The following ELF1 variants were observed in gnomAD, a reference collection of about 807,000 sequenced individuals.
ELF1 encodes E74 like ETS transcription factor 1.
A neutral mutation model predicts 59.9 loss-of-function variants in ELF1; 24 were observed. The ratio of observed to expected loss-of-function variants is 0.40; its 90% CI spans 0.29 to 0.56. The LOEUF is 0.56. Among genes scored for constraint, ELF1 ranks in the 20% least tolerant of loss-of-function variants. The pLI is 0.44. For missense variants in ELF1, 627 were observed against 742.2 expected, an observed-to-expected ratio of 0.84 and a Z score of 1.80; for synonymous variants, 248 against 266.2, an observed-to-expected ratio of 0.93 and a Z score of 0.67.
At chr13:41,010,766 G>C (rs1419554369) in intron 1 of ELF1, among the ~76,000 whole-genome samples, 2 of 151,978 alleles carry the variant, frequency 1.3e-5, no homozygotes, top group Non-Finnish European at 2.9e-5. Context: ...AAAAATTTAA[G>C]AGACCTCTAA....
chr13:40,945,993 A>G (rs1452527921), intron 5 of ELF1, among the ~76,000 whole-genome samples: 2 of 150,444 alleles, frequency 1.3e-5, no homozygotes, highest in African/African-American at 5.0e-5. Flanking sequence ...ACAGGCACGT[A>G]CCACCATGCC....
At chr13:41,007,695 T>C (rs956129930) in intron 1 of ELF1, among the ~76,000 whole-genome samples, 2 of 152,188 alleles carry the variant, frequency 1.3e-5, no homozygotes, top group African/African-American at 4.8e-5. Context: ...GTATTTAACA[T>C]AAACTTTAAT....
At chr13:41,030,511 G>A (rs1218515853) in intron 1 of ELF1, among the ~76,000 whole-genome samples, 1 of 152,158 alleles carries the variant, frequency 6.6e-6, no homozygotes, top group Non-Finnish European at 1.5e-5. Flanking sequence ...GGGAGACTAA[G>A]GTAGGAGGAT....
chr13:41,046,317 T>A (rs960956451), intron 1 of ELF1, among the ~76,000 whole-genome samples: 4 of 152,238 alleles, frequency 2.6e-5, no homozygotes, highest in Admixed American at 1.3e-4. Flanking sequence ...GTGAATTTGA[T>A]CCTGTCATTA....
chr13:40,956,341 A>G lies in ELF1; in HGVS notation c.253+2495T>C, dbSNP rs552855627. On this transcript the variant is annotated intron_variant, in intron 3 of 8. Coordinates refer to ENST00000239882, the MANE Select transcript of ELF1 (RefSeq NM_172373.4). ...GGTTGAATGGATTAAGGGTGGTGCA[A>G]GATGGCTTTGTTAAACAGATATTTG... 4.6e-5 allele frequency among the ~76,000 whole-genome samples: 7 copies of G among 152,236 alleles called. No homozygotes were observed. The East Asian group carries it at 1.4e-3, about 29-fold the overall frequency.
At chr13:41,058,976 C>CA (rs973869538) in intron 1 of ELF1, among the ~76,000 whole-genome samples, 18 of 149,746 alleles carry the variant, frequency 1.2e-4, no homozygotes, top group Non-Finnish European at 2.2e-4. Context: ...TCCGTCTCAA[C>CA]AAAAAAAAGA....
intron 2 of ELF1, among the ~76,000 whole-genome samples, chr13:40,972,673 T>C (rs1872640726): frequency 6.6e-6 from 1 of 152,198 alleles, no homozygotes; most frequent in Admixed American, 6.5e-5. Flanking sequence ...TTAATGCTCA[T>C]AACCTTGGGA....
intron 1 of ELF1, among the ~76,000 whole-genome samples, chr13:41,014,176 G>C (rs1875231077): frequency 1.3e-5 from 2 of 152,142 alleles, no homozygotes; most frequent in African/African-American, 2.4e-5. Context: ...CAGCAGGACT[G>C]AGAGTCAGAA....
At chr13:41,015,145 G>A (rs1182092949) in intron 1 of ELF1, among the ~76,000 whole-genome samples, 5 of 152,010 alleles carry the variant, frequency 3.3e-5, no homozygotes, top group Non-Finnish European at 7.4e-5. Context: ...AGTATGGAGA[G>A]GGAAACCAAG....
chr13:40,967,942 T>C (rs890937972), intron 2 of ELF1, among the ~76,000 whole-genome samples: 1 of 152,212 alleles, frequency 6.6e-6, no homozygotes, highest in Non-Finnish European at 1.5e-5. Context: ...TCTTTTGCTT[T>C]CTTTAACCTT....
intron 1 of ELF1, among the ~76,000 whole-genome samples, chr13:40,988,934 A>T (rs536358976): frequency 3.9e-5 from 6 of 152,110 alleles, no homozygotes; most frequent in Non-Finnish European, 7.4e-5. Flanking sequence ...AGTAGCTGGG[A>T]CTACAGGTGT....
intron 1 of ELF1, among the ~76,000 whole-genome samples, chr13:41,052,090 C>G (rs1443407227): frequency 6.6e-6 from 1 of 151,950 alleles, no homozygotes; most frequent in African/African-American, 2.4e-5. Flanking sequence ...CAGGTGTGCA[C>G]CACCATGCCC....
At chr13:40,987,481 G>C (rs1199008765) in intron 1 of ELF1, among the ~76,000 whole-genome samples, 1 of 149,160 alleles carries the variant, frequency 6.7e-6, no homozygotes, top group Non-Finnish European at 1.5e-5. Context: ...AGCTACTTGG[G>C]AGACTGAGGC....
rs542426733 is a variant in ELF1 at position 41,055,161 on chromosome 13, C to T, written c.-229+5677G>A. ...GAGGAGGATATGTCCCCAGACACTT[C>T]CAGCTCTCTGCAGGTAAGAGGTATC... On this transcript the variant is annotated intron_variant, in intron 1 of 1. Transcript: ENST00000405737. 2.0e-5 allele frequency among the ~76,000 whole-genome samples: 3 copies of T among 152,286 alleles called. No homozygotes were observed. The South Asian group carries it at 6.2e-4, about 32-fold the overall frequency.
intron 5 of ELF1, among the ~76,000 whole-genome samples, chr13:40,944,393 G>C (rs544606372): frequency 1.3e-5 from 2 of 152,288 alleles, no homozygotes; most frequent in African/African-American, 2.4e-5. Context: ...TCTGTATACA[G>C]TTAGTTCTCA....
At chr13:40,985,663 T>C (rs1873513066) in intron 1 of ELF1, among the ~76,000 whole-genome samples, 1 of 152,190 alleles carries the variant, frequency 6.6e-6, no homozygotes, top group Admixed American at 6.5e-5. Flanking sequence ...GAAGTCAGTG[T>C]GTAAAAAACA....
chr13:41,012,758 A>G (rs1875151701), intron 1 of ELF1, among the ~76,000 whole-genome samples: 1 of 151,684 alleles, frequency 6.6e-6, no homozygotes, highest in African/African-American at 2.4e-5. Flanking sequence ...GGGTCTTGCT[A>G]TGTTGCCCAG....
intron 1 of ELF1, among the ~76,000 whole-genome samples, chr13:41,041,403 G>A (rs774045970): frequency 3.3e-5 from 5 of 152,008 alleles, no homozygotes; most frequent in African/African-American, 1.2e-4. Flanking sequence ...CCAGAGCCAG[G>A]TGCAGTGGTT....
chr13:40,999,984 T>C (rs1278723242), intron 1 of ELF1, among the ~76,000 whole-genome samples: 1 of 152,184 alleles, frequency 6.6e-6, no homozygotes, highest in Non-Finnish European at 1.5e-5. Context: ...CAGTGTAACT[T>C]TGAAATATAT....
Sources: gnomAD v4.1 joint callset for allele counts (sites outside exome capture counted in the v4.1 genomes callset) on GRCh38, gnomAD v4.1.1 for gene constraint, MANE v1.5 for transcripts, NCBI Gene and HGNC (gene_info 2026-07-23, HGNC 2026-07-21) for gene names.